NEO1: variants seen among roughly 807,000 people sequenced by gnomAD.
NEO1 encodes the protein neogenin.
In NEO1, 63 loss-of-function variants were observed where a neutral mutation model predicts 159.7. That is an observed-to-expected ratio of 0.39 (90% confidence interval 0.32 to 0.49). The LOEUF (loss-of-function observed/expected upper bound fraction) is 0.49, where lower values mean the gene tolerates loss of function less well. NEO1 is among the 20% of genes least tolerant of loss of function. The probability of loss-of-function intolerance (pLI) is 0.85; values close to 1 mark genes in which losing one functional copy is unlikely to be tolerated. For missense variants in NEO1, 1,615 were observed against 1,831.0 expected (o/e 0.88, Z 2.15); for synonymous variants, 633 against 662.0 (o/e 0.96, Z 0.67).
chr15:73,276,148 G>A (rs1191935848), intron 21 of NEO1, among the ~76,000 whole-genome samples: 1 of 152,178 alleles, frequency 6.6e-6, no homozygotes, highest in East Asian at 1.9e-4. Context: ...TAGCCAGAGT[G>A]CAATTCTTAG....
At chr15:73,140,324 G>A (rs1450487065) in intron 5 of NEO1, among the ~76,000 whole-genome samples, 4 of 152,174 alleles carry the variant, frequency 2.6e-5, no homozygotes, top group Non-Finnish European at 5.9e-5. Context: ...GAGAGGCTGA[G>A]GCAGGAGGAT....
intron 5 of NEO1, among the ~76,000 whole-genome samples, chr15:73,168,149 G>A: frequency 6.6e-6 from 1 of 151,964 alleles, no homozygotes; most frequent in East Asian, 1.9e-4. Context: ...GAAAGAGTGA[G>A]GGACTGTGTG....
intron 1 of NEO1, among the ~76,000 whole-genome samples, chr15:73,068,222 T>TGCCC (rs1245027191): frequency 1.4e-5 from 1 of 72,714 alleles, no homozygotes; most frequent in Non-Finnish European, 2.8e-5. Context: ...TTTGTCCCCC[T>TGCCC]ACCCCCCCCC....
chr15:73,267,848 C>A (rs1312993675), intron 16 of NEO1, among the ~76,000 whole-genome samples: 1 of 152,088 alleles, frequency 6.6e-6, no homozygotes, highest in Non-Finnish European at 1.5e-5. Context: ...TTTAAAAGGG[C>A]ACTGGAAACC....
intron 4 of NEO1, among the ~76,000 whole-genome samples, chr15:73,131,687 G>C (rs2151720289): frequency 6.6e-6 from 1 of 152,274 alleles, no homozygotes; most frequent in South Asian, 2.1e-4. Context: ...TCTTTTCAAA[G>C]CTCTTATTTT....
At chr15:73,194,562 A>G (rs114827343) in intron 7 of NEO1, among the ~76,000 whole-genome samples, 3,186 of 152,268 alleles carry the variant, frequency 0.021, 120 homozygotes, top group African/African-American at 0.073. Context: ...CAAGGAAACT[A>G]ACCGAGTAAG....
rs567476806 is a variant in NEO1, at chr15:73,276,909, CTCT to C, written c.3194-1220_3194-1218del. 2.2e-4 allele frequency among the ~76,000 whole-genome samples: 33 copies of C among 152,236 alleles called. No homozygotes were observed. In the South Asian group the frequency reaches 5.6e-3, roughly 26 times the overall value. On this transcript the variant is annotated intron_variant, in intron 21 of 28. Coordinates refer to ENST00000261908, the MANE Select transcript of NEO1 (RefSeq NM_002499.4). Reference sequence around the variant, plus strand: ...CTGCCTCTTTAAAGAGAAGATTATACTCTTTCGTGAAGATTTTTTATGCTTGTA... The same window carrying C: ...CTGCCTCTTTAAAGAGAAGATTATACTTCGTGAAGATTTTTTATGCTTGTA...
chr15:73,266,458 T>G lies in NEO1; in HGVS notation c.2494+47T>G, dbSNP rs759873755. 1.0e-5 allele frequency: 15 copies of G among 1,449,798 alleles called. No homozygotes were observed. In the South Asian group the frequency reaches 1.9e-4, roughly 18 times the overall value. The allele number at this position is 1,449,798 out of a possible 1,614,324, so 89.8% of individuals were successfully genotyped here. ...AGTCTCCAGCACTTTTCCTAGCAGC[T>G]TAGGCAGAATATTGGCATGAGGCCT... On this transcript the variant is annotated intron_variant, in intron 16 of 28. Transcript: ENST00000261908.
intron 1 of NEO1, among the ~76,000 whole-genome samples, chr15:73,054,742 C>T (rs2067619143): frequency 6.6e-6 from 1 of 152,080 alleles, no homozygotes; most frequent in African/African-American, 2.4e-5. Context: ...TGCTTCATTA[C>T]AAAAGCGAGA....
At chr15:73,301,792 T>G (rs564960048) in intron 28 of NEO1, among the ~76,000 whole-genome samples, 1 of 152,052 alleles carries the variant, frequency 6.6e-6, no homozygotes, top group Admixed American at 6.6e-5. Context: ...CTCAGCCTCC[T>G]GAGTAGCTGG....
At chr15:73,178,727 TAAAGAA>T (rs1358157913) in intron 7 of NEO1, among the ~76,000 whole-genome samples, 1 of 152,146 alleles carries the variant, frequency 6.6e-6, no homozygotes, top group Non-Finnish European at 1.5e-5. Flanking sequence ...TTCTGTCCTA[TAAAGAA>T]AAACTTCTTT....
At chr15:73,239,883 G>A (rs2150880466) in intron 8 of NEO1, among the ~76,000 whole-genome samples, 1 of 152,314 alleles carries the variant, frequency 6.6e-6, no homozygotes, top group Middle Eastern at 3.4e-3. Context: ...TGATGTGTAT[G>A]TAAATGCCTA....
intron 5 of NEO1, among the ~76,000 whole-genome samples, chr15:73,147,566 C>T (rs987697178): frequency 1.3e-5 from 2 of 152,108 alleles, no homozygotes; most frequent in African/African-American, 2.4e-5. Context: ...ATTCTTCATT[C>T]TTTATTTAAA....
chr15:73,215,759 C>T (rs906472010), intron 7 of NEO1, among the ~76,000 whole-genome samples: 2 of 151,958 alleles, frequency 1.3e-5, no homozygotes, highest in Non-Finnish European at 2.9e-5. Context: ...TGGTTATGTC[C>T]TTTCCTGGCT....
intron 7 of NEO1, among the ~76,000 whole-genome samples, chr15:73,191,649 A>G (rs2036243677): frequency 6.6e-6 from 1 of 152,110 alleles, no homozygotes; most frequent in South Asian, 2.1e-4. Context: ...AAAATAGACA[A>G]CAGAAATCCA....
At chr15:73,229,958 A>G (rs946634259) in intron 7 of NEO1, among the ~76,000 whole-genome samples, 2 of 152,138 alleles carry the variant, frequency 1.3e-5, no homozygotes, top group African/African-American at 4.8e-5. Flanking sequence ...GGAGTTTTAT[A>G]CTATGATCAT....
intron 7 of NEO1, among the ~76,000 whole-genome samples, chr15:73,189,127 A>G (rs1441723194): frequency 6.6e-6 from 1 of 152,204 alleles, no homozygotes; most frequent in African/African-American, 2.4e-5. Context: ...CTTCATTATT[A>G]GGCAAAAATG....
chr15:73,296,247 C>G (rs2042362575), intron 26 of NEO1, among the ~76,000 whole-genome samples: 1 of 152,166 alleles, frequency 6.6e-6, no homozygotes, highest in South Asian at 2.1e-4. Context: ...CTGACATGGC[C>G]TGGACATGAG....
chr15:73,105,329 C>T lies in NEO1; in HGVS notation c.131-11211C>T, dbSNP rs1451604828. On this transcript the variant is annotated intron_variant, in intron 1 of 28. Coordinates refer to ENST00000261908, the MANE Select transcript of NEO1 (RefSeq NM_002499.4). ...GGGCATTGGATTTCTTGAGTCTATA[C>T]GCCTAAGAGTGCCTGCTGCGTGTTG... Among the ~76,000 whole-genome samples the T allele has an allele frequency of 2.6e-5, 4 of 152,168 alleles. No individual in the cohort carries two copies. In the East Asian group the frequency reaches 5.8e-4, roughly 22 times the overall value.
Sources: allele counts gnomAD v4.1 joint callset (sites outside exome capture counted in the v4.1 genomes callset), GRCh38; gene constraint gnomAD v4.1.1; transcripts MANE v1.5; gene names NCBI Gene and HGNC (gene_info 2026-07-23, HGNC 2026-07-21).